The following ARHGAP6 variants were observed in gnomAD, a reference collection of about 807,000 sequenced individuals.
ARHGAP6 encodes rho GTPase-activating protein 6.
ARHGAP6 carries 16 observed loss-of-function variants against 55.7 expected under a neutral mutation model. That is an observed-to-expected ratio of 0.29 (90% confidence interval 0.19 to 0.44). The LOEUF (loss-of-function observed/expected upper bound fraction) is 0.44. ARHGAP6 is among the 20% of genes least tolerant of loss of function. The probability of loss-of-function intolerance (pLI) is 1.00; values close to 1 mark genes in which losing one functional copy is unlikely to be tolerated. For synonymous variants in ARHGAP6, 382 were observed against 360.9 expected (o/e 1.06, Z -0.66); for missense variants, 698 against 808.9 (o/e 0.86, Z 1.66).
rs202051982 is a variant in ARHGAP6 at position 11,658,076 on chromosome X, TAG to T, written c.588+6163_588+6164del. On this transcript the variant is annotated intron_variant, in intron 1 of 12. Transcript: ENST00000337414. ...TTTTCCAGAAGCTTGGCAGTTTATA[TAG>T]AGAGTCAAGAAGGATTTCAGGGTGG... Among the ~76,000 whole-genome samples the T allele has an allele frequency of 9.8e-3, 1,094 of 112,104 alleles. 19 individuals carry two copies. The highest frequency in any genetic ancestry group is 0.033 in the African/African-American group (1,024 of 30,863).
chrX:11,406,365 T>C (rs1297011207), intron 1 of ARHGAP6, among the ~76,000 whole-genome samples: 1 of 111,675 alleles, frequency 9.0e-6, no homozygotes. Context: ...CCTCAAATAC[T>C]TGACAGCATG....
chrX:11,538,603 A>C (rs2051126763), intron 1 of ARHGAP6, among the ~76,000 whole-genome samples: 1 of 111,765 alleles, frequency 8.9e-6, no homozygotes, highest in Admixed American at 9.5e-5. Flanking sequence ...TATAATGTGT[A>C]CAATAAAAAC....
intron 1 of ARHGAP6, among the ~76,000 whole-genome samples, chrX:11,297,309 T>C (rs1477710985): frequency 8.9e-6 from 1 of 112,074 alleles, no homozygotes; most frequent in Non-Finnish European, 1.9e-5. Context: ...GCGGAATGCA[T>C]GAGTTTTGGA....
intron 1 of ARHGAP6, among the ~76,000 whole-genome samples, chrX:11,269,366 C>T (rs2047666890): frequency 9.0e-6 from 1 of 111,659 alleles, no homozygotes; most frequent in African/African-American, 3.3e-5. Context: ...TATTGTTTTG[C>T]TGAGCATGTA....
intron 1 of ARHGAP6, among the ~76,000 whole-genome samples, chrX:11,532,650 AAAG>A (rs1479856250): frequency 1.9e-5 from 2 of 107,850 alleles, no homozygotes; most frequent in Admixed American, 1.0e-4. Context: ...GAAAAATTAA[AAAG>A]AAGACTATTT....
chrX:11,648,297 TAA>T (rs1435704168), intron 1 of ARHGAP6, among the ~76,000 whole-genome samples: 3 of 112,114 alleles, frequency 2.7e-5, no homozygotes, highest in African/African-American at 6.5e-5. Context: ...GTATCAATTA[TAA>T]GTTTTGTTAA....
chrX:11,184,555 A>G (rs1345683282), intron 5 of ARHGAP6, among the ~76,000 whole-genome samples: 1 of 112,637 alleles, frequency 8.9e-6, no homozygotes, highest in African/African-American at 3.2e-5. Context: ...TTCAGAAACC[A>G]TGTGAAAATA....
intron 1 of ARHGAP6, among the ~76,000 whole-genome samples, chrX:11,496,074 C>T (rs1298830177): frequency 8.9e-6 from 1 of 112,278 alleles, no homozygotes; most frequent in African/African-American, 3.2e-5. Flanking sequence ...CCAGCTCAGG[C>T]TGCCACCTTA....
chrX:11,521,999 C>T (rs138728920), intron 1 of ARHGAP6, among the ~76,000 whole-genome samples: 2,663 of 111,186 alleles, frequency 0.024, 34 homozygotes, highest in Non-Finnish European at 0.039. Context: ...GATTTTTGCA[C>T]GTCGATTTTG....
chrX:11,647,949 T>C (rs2052546675), intron 1 of ARHGAP6, among the ~76,000 whole-genome samples: 1 of 111,925 alleles, frequency 8.9e-6, no homozygotes, highest in Non-Finnish European at 1.9e-5. Flanking sequence ...CCTGATGTAA[T>C]GTGAGATTCT....
intron 1 of ARHGAP6, among the ~76,000 whole-genome samples, chrX:11,311,906 A>G (rs1383703154): frequency 9.0e-6 from 1 of 111,076 alleles, no homozygotes; most frequent in Non-Finnish European, 1.9e-5. Flanking sequence ...ACATTCAGCG[A>G]CTCTGAAAAT....
chrX:11,353,783 C>T (rs1434883656), intron 1 of ARHGAP6, among the ~76,000 whole-genome samples: 1 of 111,072 alleles, frequency 9.0e-6, no homozygotes, highest in Non-Finnish European at 1.9e-5. Context: ...TCTGCCTCCT[C>T]TCTGTACTTT....
chrX:11,580,778 T>G (rs1176820561), intron 1 of ARHGAP6, among the ~76,000 whole-genome samples: 1 of 112,481 alleles, frequency 8.9e-6, no homozygotes, highest in Non-Finnish European at 1.9e-5. Flanking sequence ...ATACTTCCAT[T>G]TGTGGAAGTG....
intron 1 of ARHGAP6, among the ~76,000 whole-genome samples, chrX:11,563,211 G>A (rs1047585853): frequency 9.0e-6 from 1 of 111,616 alleles, no homozygotes; most frequent in African/African-American, 3.2e-5. Context: ...ATGATATTAA[G>A]TGAATTCATT....
chrX:11,529,865 G>T (rs997735843), intron 1 of ARHGAP6, among the ~76,000 whole-genome samples: 1 of 111,798 alleles, frequency 8.9e-6, no homozygotes, highest in African/African-American at 3.2e-5. Context: ...AAGTGGAGGT[G>T]TCTGCTCAGG....
chrX:11,493,242 A>T (rs1293268051), intron 1 of ARHGAP6, among the ~76,000 whole-genome samples: 1 of 112,297 alleles, frequency 8.9e-6, no homozygotes, highest in Non-Finnish European at 1.9e-5. Context: ...AAAACACTCA[A>T]CAAACTGTTA....
chrX:11,458,651 A>G (rs2147814800), intron 1 of ARHGAP6, among the ~76,000 whole-genome samples: 1 of 111,874 alleles, frequency 8.9e-6, no homozygotes, highest in African/African-American at 3.2e-5. Flanking sequence ...GTTATATGTG[A>G]TAATATAAAT....
intron 1 of ARHGAP6, among the ~76,000 whole-genome samples, chrX:11,480,202 C>T (rs2050442540): frequency 8.9e-6 from 1 of 111,841 alleles, no homozygotes. Context: ...ACACAAATGA[C>T]TTTCAACTGA....
chrX:11,219,957 C>G (rs1481228689), intron 2 of ARHGAP6, among the ~76,000 whole-genome samples: 1 of 102,700 alleles, frequency 9.7e-6, no homozygotes, highest in Non-Finnish European at 2.0e-5. Flanking sequence ...ACATGAAGTC[C>G]TTGCCCATGC....
Sources: gnomAD v4.1 joint callset for allele counts (sites outside exome capture counted in the v4.1 genomes callset) on GRCh38, gnomAD v4.1.1 for gene constraint, MANE v1.5 for transcripts, NCBI Gene and HGNC (gene_info 2026-07-23, HGNC 2026-07-21) for gene names.